INVS: variants seen among roughly 807,000 people sequenced by gnomAD.
INVS encodes the protein inversion of embryo turning homolog.
A neutral mutation model predicts 108.8 loss-of-function variants in INVS; 86 were observed. The observed-to-expected ratio is 0.79, with a 90% CI of 0.66 to 0.95. The LOEUF is 0.95. Among genes scored for constraint, INVS ranks in the 40% least tolerant of loss-of-function variants. The pLI is 0.00. For missense variants in INVS, 1,169 were observed against 1,297.4 expected (o/e 0.90, Z 1.52); for synonymous variants, 455 against 473.5 (o/e 0.96, Z 0.51).
chr9:100,155,667 C>T (rs1224171647), intron 3 of INVS, among the ~76,000 whole-genome samples: 1 of 152,224 alleles, frequency 6.6e-6, no homozygotes. Flanking sequence ...GTAAATTTGA[C>T]TCTGCAGTCC....
chr9:100,213,825 A>G (rs1830908437), intron 3 of INVS, among the ~76,000 whole-genome samples: 1 of 152,194 alleles, frequency 6.6e-6, no homozygotes, highest in Non-Finnish European at 1.5e-5. Context: ...GTAAGCCCAG[A>G]GGAAGACATT....
At chr9:100,246,101 C>T (rs948044001) in intron 7 of INVS, among the ~76,000 whole-genome samples, 29 of 149,010 alleles carry the variant, frequency 1.9e-4, no homozygotes, top group African/African-American at 6.3e-4. Context: ...TGCAGTGAGC[C>T]GAGATTGCAC....
At chr9:100,269,764 C>G (rs1832896037) in intron 11 of INVS, among the ~76,000 whole-genome samples, 1 of 152,044 alleles carries the variant, frequency 6.6e-6, no homozygotes, top group African/African-American at 2.4e-5. Flanking sequence ...TCAGAGTCAT[C>G]CTGAGAGGAA....
At chr9:100,147,621 C>T (rs1219159453) in intron 3 of INVS, among the ~76,000 whole-genome samples, 1 of 151,990 alleles carries the variant, frequency 6.6e-6, no homozygotes, top group East Asian at 1.9e-4. Flanking sequence ...AATAAGCCTG[C>T]ACAAGTGAAA....
intron 3 of INVS, among the ~76,000 whole-genome samples, chr9:100,213,409 T>C (rs1289168576): frequency 1.3e-5 from 2 of 152,138 alleles, no homozygotes; most frequent in Admixed American, 1.3e-4. Flanking sequence ...TCTCACTATG[T>C]GGCTCAGGCT....
chr9:100,102,894 C>T (rs1827044199), intron 1 of INVS: 1 of 152,228 alleles, frequency 6.6e-6, no homozygotes, highest in Admixed American at 6.6e-5. Flanking sequence ...ACTCTGTTGC[C>T]CAGGCTGGAG....
At chr9:100,134,876 G>A (rs769735199) in intron 3 of INVS, among the ~76,000 whole-genome samples, 8 of 152,182 alleles carry the variant, frequency 5.3e-5, no homozygotes, top group Non-Finnish European at 1.2e-4. Flanking sequence ...AACCACATAA[G>A]TTAATTTCAT....
intron 16 of INVS, among the ~76,000 whole-genome samples, chr9:100,300,350 T>C (rs984496491): frequency 3.3e-5 from 5 of 152,154 alleles, no homozygotes; most frequent in African/African-American, 1.2e-4. Context: ...AAGTGCCTGC[T>C]CTCTCTTAAT....
intron 3 of INVS, among the ~76,000 whole-genome samples, chr9:100,160,185 C>T (rs1052829065): frequency 2.0e-5 from 3 of 152,166 alleles, no homozygotes; most frequent in South Asian, 2.1e-4. Flanking sequence ...CCACTCTCTA[C>T]GCATGGAGGA....
chr9:100,193,994 G>A (rs141660139), intron 3 of INVS, among the ~76,000 whole-genome samples: 206 of 152,214 alleles, frequency 1.4e-3, no homozygotes, highest in African/African-American at 4.7e-3. Flanking sequence ...TGAACATTTG[G>A]GTTGTTTTCT....
At chr9:100,125,831 G>C (rs902517583) in intron 2 of INVS, among the ~76,000 whole-genome samples, 2 of 151,832 alleles carry the variant, frequency 1.3e-5, no homozygotes, top group Admixed American at 6.6e-5. Flanking sequence ...GATTACAGGC[G>C]CCCGCCACCA....
At chr9:100,267,590 A>G (rs1204971765) in intron 11 of INVS, among the ~76,000 whole-genome samples, 1 of 152,254 alleles carries the variant, frequency 6.6e-6, no homozygotes, top group Non-Finnish European at 1.5e-5. Context: ...AACAACGTAT[A>G]GACATAATTT....
chr9:100,133,098 C>T (rs1013598893), intron 3 of INVS, among the ~76,000 whole-genome samples: 5 of 151,986 alleles, frequency 3.3e-5, no homozygotes, highest in Admixed American at 1.3e-4. Flanking sequence ...GAGTGAGACT[C>T]CATCTCAAAA....
At chr9:100,189,733 C>CT (rs1830166226) in intron 3 of INVS, among the ~76,000 whole-genome samples, 1 of 151,130 alleles carries the variant, frequency 6.6e-6, no homozygotes, top group South Asian at 2.1e-4. Context: ...TATGTGTATT[C>CT]TTTTTTCTTT....
chr9:100,104,764 CATG>C (rs766485019), intron 2 of INVS, 137 bp downstream of exon 2: 81 of 718,042 alleles, frequency 1.1e-4, no homozygotes, highest in Middle Eastern at 6.5e-4. Flanking sequence ...TCTTCCAACA[CATG>C]AACAAGAAAG....
chr9:100,104,412 T>C, intron 1 of INVS, 86 bp from the exon 2 acceptor site: 2 of 749,158 alleles, frequency 2.7e-6, no homozygotes, highest in Non-Finnish European at 4.7e-6. Context: ...TAGTAAGCCA[T>C]ATTTATAAAA....
chr9:100,152,105 A>G (rs1828825114), intron 3 of INVS, among the ~76,000 whole-genome samples: 1 of 152,180 alleles, frequency 6.6e-6, no homozygotes, highest in African/African-American at 2.4e-5. Flanking sequence ...TTGTTCCTCC[A>G]GTACCTTGTG....
At chr9:100,174,948 C>G (rs1483500267) in intron 3 of INVS, among the ~76,000 whole-genome samples, 1 of 151,938 alleles carries the variant, frequency 6.6e-6, no homozygotes, top group African/African-American at 2.4e-5. Flanking sequence ...ATACCATAAT[C>G]AAATTGCTGA....
At chr9:100,176,361 G>C (rs1051386170) in intron 3 of INVS, among the ~76,000 whole-genome samples, 1 of 152,194 alleles carries the variant, frequency 6.6e-6, no homozygotes, top group South Asian at 2.1e-4. Flanking sequence ...TATAATACTA[G>C]TTTGAATATC....
Sources: allele counts gnomAD v4.1 joint callset (sites outside exome capture counted in the v4.1 genomes callset), GRCh38; gene constraint gnomAD v4.1.1; transcripts MANE v1.5; gene names NCBI Gene and HGNC (gene_info 2026-07-23, HGNC 2026-07-21).